The following NSMAF variants were observed in gnomAD, a reference collection of about 807,000 sequenced individuals.
NSMAF encodes protein FAN.
In NSMAF, 90 loss-of-function variants were observed where a neutral mutation model predicts 134.9. The observed-to-expected ratio is 0.67, with a 90% CI of 0.56 to 0.79. The LOEUF is 0.79. NSMAF is among the 30% of genes least tolerant of loss of function. NSMAF has a pLI of 0.00. For missense variants in NSMAF, 1,010 were observed against 1,119.0 expected (o/e 0.90, Z 1.39); for synonymous variants, 358 against 389.6 (o/e 0.92, Z 0.96).
At chr8:58,635,658 C>A in intron 2 of NSMAF, 112 bp from the exon 3 acceptor site, 2 of 651,142 alleles carry the variant, frequency 3.1e-6, no homozygotes, top group Non-Finnish European at 5.3e-6. Flanking sequence ...AATAAAAGAT[C>A]AATAATGCAT....
chr8:58,643,146 T>C (rs1807372854), intron 1 of NSMAF, 73 bp from the exon 2 acceptor site: 3 of 1,072,702 alleles, frequency 2.8e-6, no homozygotes, highest in Admixed American at 1.9e-5. Flanking sequence ...ATTTAAAACG[T>C]CTGATCCCAA....
intron 16 of NSMAF, chr8:58,600,323 A>T (rs1220722790): frequency 1.2e-5 from 4 of 334,522 alleles, no homozygotes; most frequent in Non-Finnish European, 2.2e-5. Flanking sequence ...GTGCCTCCAC[A>T]CTGAAAGATT....
chr8:58,635,375 G>A lies in NSMAF; in HGVS notation c.229-3C>T, dbSNP rs1307715401. 6.3e-7 allele frequency: 1 copy of A among 1,596,250 alleles called. No individual in the cohort carries two copies. Among genetic ancestry groups the A allele is most frequent in the Non-Finnish European group, 8.5e-7 (1 of 1,173,126 alleles). ...TTTATACAGTCTCTCAAAGGAATCT[G>A]GATAAAATTGAGAGAAATATTATAA... On this transcript the variant is annotated splice_polypyrimidine_tract_variant and splice_region_variant and intron_variant, in intron 3 of 30. Transcript: ENST00000038176.
At chr8:58,643,314 C>CT (rs1450963883) in intron 1 of NSMAF, among the ~76,000 whole-genome samples, 2 of 152,144 alleles carry the variant, frequency 1.3e-5, no homozygotes, top group African/African-American at 4.8e-5. Context: ...GGTGGATGTA[C>CT]TACTCTTTTA....
rs781039505 is a variant in NSMAF at position 58,609,651 on chromosome 8, A to G, written c.640T>C (p.Cys214Arg). The change falls in exon 10 of 31, where the codon TGC becomes CGC. Residue 214 changes from cysteine to arginine, a missense_variant. Coordinates refer to ENST00000038176, the MANE Select transcript of NSMAF (RefSeq NM_003580.4). ...TPLVTNPGHVCITDTNLYFQP... is the reference protein window; with the variant it reads ...TPLVTNPGHVRITDTNLYFQP... ...AAATACAGGTTTGTGTCCGTGATGC[A>G]CACGTGTCCAGGATTAGTCACCAGA... 6.2e-7 allele frequency: 1 copy of G among 1,614,160 alleles called. No individual in the cohort carries two copies. The highest frequency in any genetic ancestry group is 1.1e-5 in the South Asian group (1 of 91,090).
Position 58,631,431 on chromosome 8 carries a change from C to T in NSMAF, c.384+65G>A, listed in dbSNP as rs61542378. ...ATTTGATTAAAGATGTTAATAGAGT[C>T]ACAAAATTTTATTGTTCAAAATGAC... On this transcript the variant is annotated intron_variant, in intron 6 of 30. Transcript: ENST00000038176. The T allele has an allele frequency of 7.6e-5, 72 of 952,184 alleles. No individual in the cohort carries two copies. In the East Asian group the frequency reaches 1.7e-3, roughly 23 times the overall value. The allele number at this position is 952,184 out of a possible 1,614,324, so 59.0% of individuals were successfully genotyped here.
intron 13 of NSMAF, among the ~76,000 whole-genome samples, chr8:58,602,444 A>C (rs1806306644): frequency 6.6e-6 from 1 of 152,114 alleles, no homozygotes; most frequent in African/African-American, 2.4e-5. Context: ...AACAACAACA[A>C]AATTTTAAAA....
intron 1 of NSMAF, among the ~76,000 whole-genome samples, chr8:58,645,339 A>G (rs570217418): frequency 6.6e-6 from 1 of 152,288 alleles, no homozygotes; most frequent in African/African-American, 2.4e-5. Flanking sequence ...GTGTGAAGAG[A>G]GGATGACTAT....
At position 58,624,111 on chromosome 8, in the gene NSMAF, G is replaced by A. The variant is rs187752122; in HGVS notation, c.385-331C>T. 1.8e-4 allele frequency among the ~76,000 whole-genome samples: 25 copies of A among 138,646 alleles called. No individual in the cohort carries two copies. The South Asian group carries it at 3.9e-3, about 21-fold the overall frequency. 91.0% of individuals were successfully genotyped at this position (138,646 alleles called of 152,430 possible). The stretch of plus-strand genomic sequence containing the variant: ...GGCTGGCGTGCAGTGGCACGATCTC[G>A]GCTCACTGCAACCTCCGTCTCCTGG... On this transcript the variant is annotated intron_variant, in intron 6 of 30. Coordinates refer to ENST00000038176, the MANE Select transcript of NSMAF (RefSeq NM_003580.4).
chr8:58,603,440 C>T, intron 12 of NSMAF, 54 bp from the exon 13 acceptor site: 2 of 1,573,384 alleles, frequency 1.3e-6, no homozygotes, highest in South Asian at 1.1e-5. Flanking sequence ...ACTTAGTATG[C>T]AAAAGCTAGG....
rs988624640 is a variant in NSMAF, at chr8:58,659,693, G to A, written c.-62C>T. ...AGGCCCCGCCGCCGCCTGCCGAGGA[G>A]GTCCGGAGGAGCCGGGGAGGGCGGG... On this transcript the variant is annotated 5_prime_UTR_variant, in exon 1 of 31. Coordinates refer to ENST00000038176, the MANE Select transcript of NSMAF (RefSeq NM_003580.4). 59 of 1,291,460 alleles carry A rather than the reference G, an allele frequency of 4.6e-5. No homozygotes were observed. Among genetic ancestry groups the A allele is most frequent in the Non-Finnish European group, 5.5e-5 (55 of 1,003,002 alleles). The allele number at this position is 1,291,460 out of a possible 1,614,324, so 80.0% of individuals were successfully genotyped here.
At chr8:58,595,843 G>C in intron 21 of NSMAF, 184 bp from the exon 22 acceptor site, 1 of 521,822 alleles carries the variant, frequency 1.9e-6, no homozygotes, top group African/African-American at 1.9e-5. Flanking sequence ...ATTGTATAGA[G>C]AAAGATAAAA....
intron 2 of NSMAF, 79 bp downstream of exon 2, chr8:58,642,905 A>G: frequency 9.6e-7 from 1 of 1,044,572 alleles, no homozygotes; most frequent in Non-Finnish European, 1.5e-6. Context: ...GTTAACACCT[A>G]TATGATCACA....
rs145400140 is a variant in NSMAF at position 58,623,563 on chromosome 8, T to C, written c.457-139A>G. ...ATATACCTATGGCTTCTTCCTAATA[T>C]ATAGTTTTTAAACTCAACATTTTAA... On this transcript the variant is annotated intron_variant, in intron 7 of 30. Transcript: ENST00000038176. 1,370 of 1,063,432 alleles carry C rather than the reference T, an allele frequency of 1.3e-3. 13 individuals are homozygous for C. The African/African-American group carries it at 0.02, about 15-fold the overall frequency. The allele number at this position is 1,063,432 out of a possible 1,614,324, so 65.9% of individuals were successfully genotyped here.
chr8:58,587,536 G>T (rs1334527449), intron 27 of NSMAF, 82 bp downstream of exon 27: 2 of 1,142,574 alleles, frequency 1.8e-6, no homozygotes, highest in Admixed American at 2.0e-5. Flanking sequence ...AAAACAACAT[G>T]AACAAAACCA....
chr8:58,585,317 G>GTTATTT (rs1554572269), intron 30 of NSMAF, among the ~76,000 whole-genome samples: 10 of 144,360 alleles, frequency 6.9e-5, no homozygotes, highest in African/African-American at 2.3e-4. Context: ...TTGTTTCTGG[G>GTTATTT]TTTTTTTTTT....
At chr8:58,586,831 G>A (rs1212705360) in intron 27 of NSMAF, among the ~76,000 whole-genome samples, 4 of 152,136 alleles carry the variant, frequency 2.6e-5, no homozygotes, top group African/African-American at 9.7e-5. Flanking sequence ...AAGAAGAAAT[G>A]AAGTATTGCT....
intron 1 of NSMAF, among the ~76,000 whole-genome samples, chr8:58,650,446 T>G (rs1807558660): frequency 6.9e-6 from 1 of 144,430 alleles, no homozygotes; most frequent in Non-Finnish European, 1.5e-5. Context: ...AGCCTGATTT[T>G]CTTTTTCTTT....
intron 19 of NSMAF, 94 bp from the exon 20 acceptor site, chr8:58,597,996 A>C: frequency 1.1e-4 from 96 of 892,774 alleles, no homozygotes; most frequent in Non-Finnish European, 1.5e-4. Context: ...CTTAAAACTC[A>C]TGTTCAAAGA....
Sources: gnomAD v4.1 joint callset for allele counts (sites outside exome capture counted in the v4.1 genomes callset) on GRCh38, gnomAD v4.1.1 for gene constraint, MANE v1.5 for transcripts, NCBI Gene and HGNC (gene_info 2026-07-23, HGNC 2026-07-21) for gene names.